Variants in KLHL29 observed in about 807,000 individuals in gnomAD.
The protein encoded by KLHL29 is kelch like family member 29, also known as kelch-like protein 29.
Under a neutral mutation model 80.4 loss-of-function variants are expected in KLHL29, and 21 were observed. That is an observed-to-expected ratio of 0.26 (90% confidence interval 0.19 to 0.38). KLHL29 has a LOEUF of 0.38. Ranked by LOEUF, KLHL29 falls within the 10% of genes least tolerant of loss-of-function variation. The probability of loss-of-function intolerance (pLI) is 1.00; values close to 1 mark genes in which losing one functional copy is unlikely to be tolerated. For synonymous variants in KLHL29, 511 were observed against 526.8 expected (o/e 0.97, Z 0.41); for missense variants, 867 against 1,223.9 (o/e 0.71, Z 4.35).
intron 2 of KLHL29, among the ~76,000 whole-genome samples, chr2:23,478,914 C>A (rs951778366): frequency 4.1e-4 from 63 of 152,108 alleles, no homozygotes; most frequent in Middle Eastern, 3.4e-3. Flanking sequence ...CCACACCCCC[C>A]GCCTTTACTT....
intron 1 of KLHL29, among the ~76,000 whole-genome samples, chr2:23,395,078 A>G (rs1384342464): frequency 6.6e-6 from 1 of 152,194 alleles, no homozygotes; most frequent in African/African-American, 2.4e-5. Context: ...GTCCTGGCAC[A>G]GGCTGGATAT....
At chr2:23,694,703 TCACTC>T in intron 8 of KLHL29, among the ~76,000 whole-genome samples, 1 of 152,144 alleles carries the variant, frequency 6.6e-6, no homozygotes, top group East Asian at 1.9e-4. Context: ...CCATTCTCTT[TCACTC>T]TCTGACGCCT....
At chr2:23,412,993 G>A (rs922365156) in intron 1 of KLHL29, among the ~76,000 whole-genome samples, 7 of 152,100 alleles carry the variant, frequency 4.6e-5, no homozygotes, top group African/African-American at 1.4e-4. Flanking sequence ...AGCACTAGAT[G>A]TTTTTGACAT....
At chr2:23,538,350 TG>T (rs1666740398) in intron 2 of KLHL29, among the ~76,000 whole-genome samples, 1 of 152,228 alleles carries the variant, frequency 6.6e-6, no homozygotes, top group African/African-American at 2.4e-5. Context: ...CCAGATGGCA[TG>T]GGTGCAAAGC....
At chr2:23,502,229 C>T (rs912102466) in intron 2 of KLHL29, among the ~76,000 whole-genome samples, 4 of 152,226 alleles carry the variant, frequency 2.6e-5, no homozygotes, top group African/African-American at 4.8e-5. Flanking sequence ...TTTCCGGGAT[C>T]GCTTGCATGC....
chr2:23,593,684 G>C (rs527368774), intron 3 of KLHL29, among the ~76,000 whole-genome samples: 48 of 152,348 alleles, frequency 3.2e-4, no homozygotes, highest in African/African-American at 1.1e-3. Context: ...CCCATCTACT[G>C]TGCCTTGACA....
At chr2:23,534,846 C>T (rs1024874006) in intron 2 of KLHL29, among the ~76,000 whole-genome samples, 3 of 152,334 alleles carry the variant, frequency 2.0e-5, no homozygotes, top group Non-Finnish European at 4.4e-5. Flanking sequence ...GAGCTGAGGG[C>T]ATCTTGGATT....
intron 2 of KLHL29, among the ~76,000 whole-genome samples, chr2:23,541,806 G>A (rs1666846649): frequency 6.8e-6 from 1 of 146,020 alleles, no homozygotes; most frequent in Non-Finnish European, 1.5e-5. Context: ...GGTGCTCCCA[G>A]TGGACAGCAG....
rs1186317706 is a variant in KLHL29 at position 23,706,755 on chromosome 2, C to T, written c.*91C>T. On this transcript the variant is annotated 3_prime_UTR_variant, in exon 14 of 14. Transcript: ENST00000486442. ...ATTTTCCAGCGACACCAACAAGAGG[C>T]CAACAAAACACAATCAAGGAACTCA... 1.0e-5 allele frequency: 9 copies of T among 880,620 alleles called. No homozygotes were observed. The East Asian group carries it at 2.4e-4, about 23-fold the overall frequency. 54.6% of individuals were successfully genotyped at this position (880,620 alleles called of 1,614,324 possible).
At chr2:23,701,777 A>T (rs973927646) in intron 11 of KLHL29, among the ~76,000 whole-genome samples, 7 of 144,968 alleles carry the variant, frequency 4.8e-5, no homozygotes, top group African/African-American at 1.8e-4. Flanking sequence ...AGCTTCGCAC[A>T]CATGGCTTTT....
rs914338523 is a variant in KLHL29 at position 23,596,431 on chromosome 2, C to T, written c.285+33950C>T. On this transcript the variant is annotated intron_variant, in intron 3 of 13. Coordinates refer to ENST00000486442, the MANE Select transcript of KLHL29 (RefSeq NM_052920.2). The surrounding 1 kb of genome is among the most constrained non-coding windows in gnomAD (Gnocchi z 4.4). The stretch of plus-strand genomic sequence containing the variant: ...GCATCCCAGGGGAGAGGAAGGAACC[C>T]GTTTCATAAGCGCACTCACGTTGGA... Among the ~76,000 whole-genome samples, 1 of 152,108 alleles carries T rather than the reference C, an allele frequency of 6.6e-6. No individual in the cohort carries two copies. The highest frequency in any genetic ancestry group is 2.4e-5 in the African/African-American group (1 of 41,414).
chr2:23,559,249 A>C (rs1000309027), intron 2 of KLHL29, among the ~76,000 whole-genome samples: 2 of 152,176 alleles, frequency 1.3e-5, no homozygotes, highest in Non-Finnish European at 2.9e-5. Flanking sequence ...GACGGGATGA[A>C]TGAGAGGGGA....
At chr2:23,514,656 A>T (rs1665868198) in intron 2 of KLHL29, among the ~76,000 whole-genome samples, 1 of 152,164 alleles carries the variant, frequency 6.6e-6, no homozygotes, top group African/African-American at 2.4e-5. Flanking sequence ...TCAGTCAGTA[A>T]ATGGATGATG....
At chr2:23,544,711 TAAG>T (rs750108947) in intron 2 of KLHL29, among the ~76,000 whole-genome samples, 11 of 151,976 alleles carry the variant, frequency 7.2e-5, no homozygotes, top group Non-Finnish European at 1.2e-4. Flanking sequence ...TGGAAGGCAA[TAAG>T]AACGCTGGCC....
At chr2:23,642,877 C>A in intron 5 of KLHL29, 27 bp downstream of exon 5, 1 of 1,550,090 alleles carries the variant, frequency 6.5e-7, no homozygotes, top group Non-Finnish European at 8.7e-7. Context: ...CGTGCCTCCC[C>A]ACGGGCCTGC....
Position 23,457,171 on chromosome 2 carries a change from T to G in KLHL29, c.-153-18389T>G, listed in dbSNP as rs979186216. ...CAGGAACAGGAGGAGGTTAAAGCAA[T>G]CCGTGCCCTGAGTGAGCGCAGGGTG... is the stretch of plus-strand genomic sequence containing the variant. On this transcript the variant is annotated intron_variant, in intron 1 of 13. Transcript: ENST00000486442. The surrounding 1 kb of genome is among the most constrained non-coding windows in gnomAD (Gnocchi z 4.3). 1.3e-5 allele frequency among the ~76,000 whole-genome samples: 2 copies of G among 152,168 alleles called. No homozygotes were observed. Among genetic ancestry groups the G allele is most frequent in the South Asian group, 4.1e-4 (2 of 4,830 alleles).
chr2:23,500,547 G>A (rs897426531), intron 2 of KLHL29, among the ~76,000 whole-genome samples: 2 of 152,142 alleles, frequency 1.3e-5, no homozygotes, highest in Non-Finnish European at 2.9e-5. Context: ...CCAGCAGAAG[G>A]ATGGAGAAAC....
chr2:23,559,435 C>T (rs769958840), intron 2 of KLHL29, among the ~76,000 whole-genome samples: 5 of 151,880 alleles, frequency 3.3e-5, no homozygotes, highest in Admixed American at 1.3e-4. Context: ...AGACTGGGGG[C>T]GGGCAGGCAG....
rs150180673 is a variant in KLHL29 at position 23,699,695 on chromosome 2, G to A, written c.2105+3182G>A. ...CAACCCAACCGTTTGCCTTCTCGGC[G>A]CCCAGCCCTGGGGGCTGAATGCTGA... is the stretch of plus-strand genomic sequence containing the variant. On this transcript the variant is annotated intron_variant, in intron 11 of 13. Coordinates refer to ENST00000486442, the MANE Select transcript of KLHL29 (RefSeq NM_052920.2). Among the ~76,000 whole-genome samples, 620 of 152,180 alleles carry A rather than the reference G, an allele frequency of 4.1e-3. 2 individuals are homozygous for A. The highest frequency in any genetic ancestry group is 0.011 in the East Asian group (55 of 5,182).
Sources: allele counts gnomAD v4.1 joint callset (sites outside exome capture counted in the v4.1 genomes callset), GRCh38; gene constraint gnomAD v4.1.1; non-coding constraint Gnocchi (gnomAD v3.1); transcripts MANE v1.5; gene names NCBI Gene and HGNC (gene_info 2026-07-23, HGNC 2026-07-21).